Variants in CAMK1D observed in about 807,000 individuals in gnomAD.
CAMK1D encodes calcium/calmodulin dependent protein kinase ID, also known as calcium/calmodulin-dependent protein kinase type 1D.
In CAMK1D, 9 loss-of-function variants were observed where a neutral mutation model predicts 47.7. The ratio of observed to expected loss-of-function variants is 0.19; its 90% CI spans 0.11 to 0.33. The LOEUF (loss-of-function observed/expected upper bound fraction) is 0.33, where lower values mean the gene tolerates loss of function less well. CAMK1D is among the 10% of genes least tolerant of loss of function. The probability of loss-of-function intolerance (pLI) is 1.00; values close to 1 mark genes in which losing one functional copy is unlikely to be tolerated. For missense variants in CAMK1D, 291 were observed against 488.7 expected (o/e 0.60, Z 3.81); for synonymous variants, 184 against 184.9 (o/e 0.99, Z 0.04).
intron 1 of CAMK1D, among the ~76,000 whole-genome samples, chr10:12,405,875 C>T (rs1482462160): frequency 6.6e-6 from 1 of 152,156 alleles, no homozygotes; most frequent in South Asian, 2.1e-4. Flanking sequence ...CAATAATTTG[C>T]CAGCCCTTTA....
At chr10:12,626,581 C>T (rs1242713195) in intron 2 of CAMK1D, among the ~76,000 whole-genome samples, 12 of 149,668 alleles carry the variant, frequency 8.0e-5, no homozygotes, top group Non-Finnish European at 1.8e-4. Context: ...TCAAGCGATT[C>T]TTCTGCCTCA....
At chr10:12,697,811 C>T (rs372631121) in intron 3 of CAMK1D, among the ~76,000 whole-genome samples, 2 of 152,282 alleles carry the variant, frequency 1.3e-5, no homozygotes, top group African/African-American at 4.8e-5. Context: ...TGGATTTTGG[C>T]CGGGCGTTGC....
At position 12,829,649 on chromosome 10, in the gene CAMK1D, C is replaced by G. The variant is rs1833383848; in HGVS notation, c.*762C>G. The G allele has an allele frequency of 6.6e-6, 1 of 151,372 alleles. No homozygotes were observed. Among genetic ancestry groups the G allele is most frequent in the South Asian group, 2.1e-4 (1 of 4,816 alleles). The allele number at this position is 151,372 out of a possible 1,614,324, so 9.4% of individuals were successfully genotyped here. A position where few individuals can be genotyped will look rare whatever the true frequency, so the allele number is the denominator to read the frequency against. ...TCGGGAGGCTGAGGCAGGAGAATTG[C>G]TTGAACCCGGGAGACGGAGGTTGCA... On this transcript the variant is annotated 3_prime_UTR_variant, in exon 11 of 11. Coordinates refer to ENST00000619168, the MANE Select transcript of CAMK1D (RefSeq NM_153498.4).
Position 12,634,467 on chromosome 10 carries a change from A to T in CAMK1D, c.225-32269A>T, listed in dbSNP as rs147777867. Among the ~76,000 whole-genome samples the T allele has an allele frequency of 3.0e-3, 459 of 152,268 alleles. 10 individuals carry two copies. The South Asian group carries it at 0.049, about 16-fold the overall frequency. ...CTGTTGTCCCACCCATTGTCCCGTAAGCAGGAGTTCAACAGGGACAGAGCG... is the reference window on the plus strand; with the variant it reads ...CTGTTGTCCCACCCATTGTCCCGTATGCAGGAGTTCAACAGGGACAGAGCG... On this transcript the variant is annotated intron_variant, in intron 2 of 10. Coordinates refer to ENST00000619168, the MANE Select transcript of CAMK1D (RefSeq NM_153498.4).
intron 1 of CAMK1D, among the ~76,000 whole-genome samples, chr10:12,530,655 G>A (rs1438767679): frequency 6.6e-6 from 1 of 152,142 alleles, no homozygotes; most frequent in Non-Finnish European, 1.5e-5. Flanking sequence ...CGGGGTCTGG[G>A]GAGGCAGCGG....
chr10:12,424,172 G>A (rs1840149376), intron 1 of CAMK1D, among the ~76,000 whole-genome samples: 2 of 151,912 alleles, frequency 1.3e-5, no homozygotes, highest in Non-Finnish European at 2.9e-5. Context: ...TTGAACTCTG[G>A]CCCCTAAATC....
intron 3 of CAMK1D, among the ~76,000 whole-genome samples, chr10:12,709,255 G>A (rs1833844870): frequency 6.6e-6 from 1 of 151,942 alleles, no homozygotes; most frequent in Admixed American, 6.5e-5. Flanking sequence ...TGTAAAGATG[G>A]AATACATTGT....
intron 2 of CAMK1D, among the ~76,000 whole-genome samples, chr10:12,554,506 C>T (rs1157134356): frequency 7.6e-6 from 1 of 132,036 alleles, no homozygotes; most frequent in African/African-American, 2.5e-5. Context: ...ATAAGAAAGT[C>T]CTCTCTTGTA....
At chr10:12,802,630 C>T (rs568328556) in intron 6 of CAMK1D, among the ~76,000 whole-genome samples, 1 of 152,288 alleles carries the variant, frequency 6.6e-6, no homozygotes, top group East Asian at 1.9e-4. Context: ...AAGCAATTCT[C>T]CTGCCTCAGC....
At chr10:12,824,731 A>G (rs554217932) in intron 9 of CAMK1D, among the ~76,000 whole-genome samples, 179 bp downstream of exon 9, 1 of 152,326 alleles carries the variant, frequency 6.6e-6, no homozygotes, top group Non-Finnish European at 1.5e-5. Context: ...GTGCAATTCA[A>G]CACTTCCCCT....
chr10:12,572,174 C>G (rs1461802074), intron 2 of CAMK1D, among the ~76,000 whole-genome samples: 1 of 152,074 alleles, frequency 6.6e-6, no homozygotes, highest in Non-Finnish European at 1.5e-5. Context: ...TCTACGTCCC[C>G]ACCCAAATTT....
chr10:12,786,876 A>G (rs980938706), intron 5 of CAMK1D, among the ~76,000 whole-genome samples: 7 of 152,266 alleles, frequency 4.6e-5, no homozygotes, highest in African/African-American at 1.7e-4. Flanking sequence ...TAATCCCAGC[A>G]CTTTGGGAGG....
intron 2 of CAMK1D, among the ~76,000 whole-genome samples, chr10:12,654,257 T>C (rs1161786453): frequency 6.6e-6 from 1 of 152,226 alleles, no homozygotes; most frequent in African/African-American, 2.4e-5. Flanking sequence ...ATTCACCTTG[T>C]AAGCATCCAC....
intron 3 of CAMK1D, among the ~76,000 whole-genome samples, chr10:12,701,727 C>T (rs1228291929): frequency 1.3e-5 from 2 of 152,220 alleles, no homozygotes; most frequent in Non-Finnish European, 2.9e-5. Flanking sequence ...CAAACATACT[C>T]ATTTGCTTCT....
chr10:12,815,253 C>G (rs923601095), intron 7 of CAMK1D, among the ~76,000 whole-genome samples: 2 of 152,180 alleles, frequency 1.3e-5, no homozygotes, highest in African/African-American at 4.8e-5. Context: ...AATGAAATCT[C>G]TCTAAGCCTC....
At chr10:12,675,600 C>A (rs1415170966) in intron 3 of CAMK1D, among the ~76,000 whole-genome samples, 1 of 152,218 alleles carries the variant, frequency 6.6e-6, no homozygotes, top group Non-Finnish European at 1.5e-5. Flanking sequence ...TCTATACCTA[C>A]CACTCTTTTC....
chr10:12,690,873 AAG>A (rs1832850275), intron 3 of CAMK1D, among the ~76,000 whole-genome samples: 4 of 152,104 alleles, frequency 2.6e-5, no homozygotes, highest in African/African-American at 7.2e-5. Context: ...GATTACAGAA[AAG>A]AAAGCCTTGT....
chr10:12,349,951 G>T, intron 1 of CAMK1D, 41 bp downstream of exon 1: 2 of 1,269,838 alleles, frequency 1.6e-6, no homozygotes, highest in South Asian at 1.3e-5. Flanking sequence ...GGTGGCCGCG[G>T]CAGGGGCTGC....
chr10:12,760,082 G>T (rs919373726), intron 3 of CAMK1D, among the ~76,000 whole-genome samples: 1 of 152,038 alleles, frequency 6.6e-6, no homozygotes, highest in African/African-American at 2.4e-5. Flanking sequence ...ATGATTTGGA[G>T]AACACTAGTT....
Sources: gnomAD v4.1 joint callset for allele counts (sites outside exome capture counted in the v4.1 genomes callset) on GRCh38, gnomAD v4.1.1 for gene constraint, MANE v1.5 for transcripts, NCBI Gene and HGNC (gene_info 2026-07-23, HGNC 2026-07-21) for gene names.